Variants in FOXJ3 observed in about 807,000 individuals in gnomAD.
The protein encoded by FOXJ3 is forkhead box J3, also known as forkhead box protein J3.
Under a neutral mutation model 76.1 loss-of-function variants are expected in FOXJ3, and 22 were observed. That is an observed-to-expected ratio of 0.29 (90% CI 0.21 to 0.41). The LOEUF is 0.41. Ranked by LOEUF, FOXJ3 falls within the 10% of genes least tolerant of loss-of-function variation. The pLI, the probability that FOXJ3 is intolerant of heterozygous loss-of-function variation, is 1.00. For missense variants in FOXJ3, 613 were observed against 762.1 expected (o/e 0.80, Z 2.30); for synonymous variants, 269 against 261.2 (o/e 1.03, Z -0.29).
At chr1:42,287,489 G>A (rs1039945576) in intron 2 of FOXJ3, among the ~76,000 whole-genome samples, 2 of 152,070 alleles carry the variant, frequency 1.3e-5, no homozygotes, top group African/African-American at 4.8e-5. Context: ...CACTATTTGG[G>A]TTCCTTCTTC....
At chr1:42,199,786 CTGT>C (rs1646723485) in intron 6 of FOXJ3, among the ~76,000 whole-genome samples, 1 of 151,578 alleles carries the variant, frequency 6.6e-6, no homozygotes, top group East Asian at 1.9e-4. Flanking sequence ...AACTGTCAAA[CTGT>C]TGTTAATGGT....
intron 4 of FOXJ3, among the ~76,000 whole-genome samples, chr1:42,251,787 C>T (rs1200046918): frequency 2.1e-5 from 3 of 143,664 alleles, no homozygotes; most frequent in African/African-American, 8.0e-5. Context: ...GGCGCGATCT[C>T]GACTCACTGC....
chr1:42,208,824 A>G (rs902703518), intron 5 of FOXJ3, among the ~76,000 whole-genome samples: 1 of 152,244 alleles, frequency 6.6e-6, no homozygotes, highest in African/African-American at 2.4e-5. Flanking sequence ...TGAACATAAC[A>G]GCTCAGCCTA....
At chr1:42,201,505 T>C (rs1646764520) in intron 6 of FOXJ3, among the ~76,000 whole-genome samples, 1 of 152,236 alleles carries the variant, frequency 6.6e-6, no homozygotes, top group Non-Finnish European at 1.5e-5. Flanking sequence ...CATGTAGCAC[T>C]TCCAACTATG....
chr1:42,245,128 C>A (rs1439878514), intron 4 of FOXJ3, among the ~76,000 whole-genome samples: 3 of 130,942 alleles, frequency 2.3e-5, no homozygotes, highest in South Asian at 2.5e-4. Flanking sequence ...TGCAGTGAGC[C>A]AAGATTGCAC....
At chr1:42,283,327 C>T (rs1393724665) in intron 2 of FOXJ3, among the ~76,000 whole-genome samples, 1 of 152,132 alleles carries the variant, frequency 6.6e-6, no homozygotes, top group Admixed American at 6.6e-5. Context: ...CAGGTTCAGG[C>T]TATAACAACT....
At chr1:42,237,006 T>C (rs148487837) in intron 4 of FOXJ3, among the ~76,000 whole-genome samples, 2 of 152,296 alleles carry the variant, frequency 1.3e-5, no homozygotes, top group East Asian at 1.9e-4. Flanking sequence ...TATAAGAATA[T>C]AGGCTATTTC....
At chr1:42,198,332 T>A (rs956307716) in intron 7 of FOXJ3, among the ~76,000 whole-genome samples, 2 of 152,238 alleles carry the variant, frequency 1.3e-5, no homozygotes, top group Non-Finnish European at 2.9e-5. Flanking sequence ...GCTACGTTTT[T>A]CTTTCCCGTG....
chr1:42,285,176 C>T (rs1483174858), intron 2 of FOXJ3, among the ~76,000 whole-genome samples: 2 of 151,974 alleles, frequency 1.3e-5, no homozygotes, highest in Non-Finnish European at 2.9e-5. Flanking sequence ...CATAGGTAAA[C>T]GTGTGCCATG....
chr1:42,287,312 C>G (rs185839341), intron 2 of FOXJ3, among the ~76,000 whole-genome samples: 2 of 151,956 alleles, frequency 1.3e-5, no homozygotes, highest in African/African-American at 4.8e-5. Context: ...TGCACTCCAG[C>G]CTGGGTGACA....
At chr1:42,269,504 C>A (rs565865022) in intron 3 of FOXJ3, among the ~76,000 whole-genome samples, 2 of 152,266 alleles carry the variant, frequency 1.3e-5, no homozygotes, top group Non-Finnish European at 2.9e-5. Flanking sequence ...TCAGTTACAG[C>A]CAATTGCCAC....
intron 3 of FOXJ3, among the ~76,000 whole-genome samples, chr1:42,270,288 C>T (rs1651775148): frequency 6.6e-6 from 1 of 152,110 alleles, no homozygotes; most frequent in African/African-American, 2.4e-5. Flanking sequence ...CTTCGTCATC[C>T]TGAATTTCTC....
intron 4 of FOXJ3, among the ~76,000 whole-genome samples, chr1:42,243,708 CAAG>C (rs1649323975): frequency 1.3e-5 from 2 of 151,976 alleles, no homozygotes; most frequent in Admixed American, 6.5e-5. Flanking sequence ...ATCAATTCAC[CAAG>C]AAGATACAAA....
intron 4 of FOXJ3, among the ~76,000 whole-genome samples, chr1:42,232,720 A>G (rs1437668521): frequency 6.6e-6 from 1 of 152,202 alleles, no homozygotes; most frequent in Non-Finnish European, 1.5e-5. Flanking sequence ...GTAGATTGCA[A>G]AAATTTTCTC....
chr1:42,245,111 C>T (rs1306016501), intron 4 of FOXJ3, among the ~76,000 whole-genome samples: 1 of 146,070 alleles, frequency 6.8e-6, no homozygotes, highest in Non-Finnish European at 1.5e-5. Flanking sequence ...ACCCAGGAGG[C>T]GAAGGTTGCA....
At chr1:42,202,646 G>A (rs1454067241) in intron 6 of FOXJ3, among the ~76,000 whole-genome samples, 3 of 152,030 alleles carry the variant, frequency 2.0e-5, no homozygotes, top group African/African-American at 7.2e-5. Flanking sequence ...CTATCACAAG[G>A]AGAAAAAAAT....
At chr1:42,213,498 T>C (rs1647007257) in intron 5 of FOXJ3, among the ~76,000 whole-genome samples, 1 of 149,880 alleles carries the variant, frequency 6.7e-6, no homozygotes, top group Non-Finnish European at 1.5e-5. Context: ...CACGATTATA[T>C]AATGATAAAA....
At chr1:42,257,568 T>C (rs1262554834) in intron 4 of FOXJ3, among the ~76,000 whole-genome samples, 4 of 151,066 alleles carry the variant, frequency 2.6e-5, no homozygotes, top group East Asian at 1.9e-4. Context: ...AAGAAAAAAA[T>C]ACAAAATACA....
At chr1:42,327,736 T>C (rs1655921483) in intron 1 of FOXJ3, among the ~76,000 whole-genome samples, 1 of 152,106 alleles carries the variant, frequency 6.6e-6, no homozygotes. Flanking sequence ...TTTAATAAGG[T>C]CACACTGGCA....
Sources: gnomAD v4.1 joint callset for allele counts (sites outside exome capture counted in the v4.1 genomes callset) on GRCh38, gnomAD v4.1.1 for gene constraint, MANE v1.5 for transcripts, NCBI Gene and HGNC (gene_info 2026-07-23, HGNC 2026-07-21) for gene names.